Variants in SYTL2 observed in about 807,000 individuals in gnomAD.
The protein encoded by SYTL2 is synaptotagmin-like protein 2.
A neutral mutation model predicts 198.7 loss-of-function variants in SYTL2; 165 were observed. The observed-to-expected ratio is 0.83, with a 90% CI of 0.73 to 0.94. SYTL2 has a LOEUF of 0.94. SYTL2 is among the 40% of genes least tolerant of loss of function. The probability of loss-of-function intolerance (pLI) is 0.00; values close to 1 mark genes in which losing one functional copy is unlikely to be tolerated. For missense variants in SYTL2, 2,835 were observed against 2,582.8 expected, an observed-to-expected ratio of 1.10 and a Z score of -2.12; for synonymous variants, 966 against 917.7, an observed-to-expected ratio of 1.05 and a Z score of -0.95.
upstream of SYTL2, among the ~76,000 whole-genome samples, chr11:85,811,326 T>TCGCCCTC: frequency 6.6e-6 from 1 of 151,646 alleles, no homozygotes; most frequent in East Asian, 1.9e-4. Context: ...TTCCCTCCCT[T>TCGCCCTC]CGCCCTCCGC....
rs1227733734 is a variant in SYTL2 at position 85,717,506 on chromosome 11, A to ACTGGCTT, written c.5500_5506dup (p.Val1836GlufsTer6). The ACTGGCTT allele has an allele frequency of 1.2e-6, 2 of 1,613,142 alleles. No individual in the cohort carries two copies. Among genetic ancestry groups the ACTGGCTT allele is most frequent in the Admixed American group, 3.3e-5 (2 of 59,988 alleles). ...ACTTCTTGGTACGCATTCATTTGTA[A>ACTGGCTT]CTGGCTTCTGATCTGGTTTCTCATC... On this transcript the variant is annotated frameshift_variant, in exon 11 of 20. Transcript: ENST00000359152. LOFTEE classifies it high-confidence loss of function.
In SYTL2 at chr11:85,729,399, C is replaced by G. The variant is rs189443596; in HGVS notation, c.1391-1432G>C. 2.0e-4 allele frequency among the ~76,000 whole-genome samples: 30 copies of G among 152,266 alleles called. No homozygotes were observed. The East Asian group carries it at 5.6e-3, about 28-fold the overall frequency. ...AATAATAACAAACGGTCTCTCAGACCACAGTGCAATCAAATTAGAACTCAG... is the reference window on the plus strand; with the variant it reads ...AATAATAACAAACGGTCTCTCAGACGACAGTGCAATCAAATTAGAACTCAG... On this transcript the variant is annotated intron_variant, in intron 7 of 19. Transcript: ENST00000359152.
chr11:85,816,216 T>C, the SYTL2 span, among the ~76,000 whole-genome samples: 1 of 152,054 alleles, frequency 6.6e-6, no homozygotes, highest in Non-Finnish European at 1.5e-5. Context: ...ACAACTTTTG[T>C]AGTGATCACT....
At chr11:85,813,684 C>T (rs2093057901), upstream of SYTL2, among the ~76,000 whole-genome samples, 2 of 151,854 alleles carry the variant, frequency 1.3e-5, no homozygotes, top group African/African-American at 2.4e-5. Flanking sequence ...TGACTTTAGA[C>T]AAGTCTCCTC....
intron 1 of SYTL2, among the ~76,000 whole-genome samples, chr11:85,789,373 TA>T (rs2092694820): frequency 8.4e-5 from 5 of 59,548 alleles, no homozygotes; most frequent in Non-Finnish European, 1.2e-4. Flanking sequence ...TATATATATA[TA>T]TATGTATATA....
At position 85,727,205 on chromosome 11, in the gene SYTL2, G is replaced by T. The variant is rs1485768904; in HGVS notation, c.2153C>A (p.Thr718Lys). 1.3e-6 allele frequency: 2 copies of T among 1,536,304 alleles called. No homozygotes were observed. The highest frequency in any genetic ancestry group is 1.7e-6 in the Non-Finnish European group (2 of 1,146,986). The change falls in exon 8 of 20, where the codon ACA becomes AAA. Residue 718 changes from threonine to lysine, a missense_variant. By Grantham distance (78) the Thr-to-Lys change is moderately conservative. Around this residue, in one of 3 missense-constraint regions of SYTL2, gnomAD observed 2,645 missense variants for 2,381.7 expected, o/e 1.11. Transcript: ENST00000359152. ...TTTCAAACCTGGTTCTTTGACAACT[G>T]TTGAAGAGTCAAAATTCACTTCTGA... ...GHSEVNFDSS[T>K]VVKEPGLKDN...
At position 85,726,358 on chromosome 11, in the gene SYTL2, A is replaced by C. The variant is rs759624793; in HGVS notation, c.3000T>G (p.Asn1000Lys). 1.3e-5 allele frequency: 21 copies of C among 1,613,914 alleles called. No individual in the cohort carries two copies. The highest frequency in any genetic ancestry group is 1.4e-5 in the Non-Finnish European group (17 of 1,179,992). The part of the protein sequence containing the change: ...DLEANSNSKD[N>K]DKNITTTSQK... ...GGCTTGTGGTGGTAATATTCTTGTC[A>C]TTATCCTTACTGTTTGAATTAGCTT... Residue 1000 changes from asparagine to lysine, a missense_variant, in exon 8 of 20, where the codon AAT becomes AAG. Asn to Lys is a moderately conservative substitution (Grantham distance 94). This residue lies in a region of SYTL2 where 2,645 missense variants were observed against 2,381.7 expected (regional missense o/e 1.11). Coordinates refer to ENST00000359152, the MANE Select transcript of SYTL2 (RefSeq NM_206927.4).
At chr11:85,748,484 T>C (rs1414484597) in intron 2 of SYTL2, 61 bp from the exon 3 acceptor site, 3 of 1,549,128 alleles carry the variant, frequency 1.9e-6, no homozygotes, top group African/African-American at 1.4e-5. Context: ...GAGTTCATTA[T>C]GACACCGCAT....
chr11:85,801,555 C>T (rs897907813), intron 1 of SYTL2, among the ~76,000 whole-genome samples: 1 of 152,198 alleles, frequency 6.6e-6, no homozygotes, highest in African/African-American at 2.4e-5. Flanking sequence ...ATGTTATCTC[C>T]TCTGTACACA....
chr11:85,712,299 T>C (rs1191058404), intron 12 of SYTL2, among the ~76,000 whole-genome samples: 4 of 152,234 alleles, frequency 2.6e-5, no homozygotes, highest in Non-Finnish European at 5.9e-5. Flanking sequence ...TGTCACACTC[T>C]CTCCCCACAT....
Position 85,726,198 on chromosome 11 carries a change from AT to A in SYTL2, c.3159del (p.Lys1053AsnfsTer2), listed in dbSNP as rs2089150233. 1 of 1,613,322 alleles carries A rather than the reference AT, an allele frequency of 6.2e-7. No homozygotes were observed. Among genetic ancestry groups the A allele is most frequent in the African/African-American group, 1.3e-5 (1 of 74,844 alleles). ...ACCTGGAGTATGCCCTTTGAATTTA[AT>A]TTCTCCATTTCCTCTCTTGCCATAA... ...KKVMAREEME[K>X]LNSKGILQVL... is the part of the protein sequence containing the mutation. On this transcript the variant is annotated frameshift_variant, in exon 8 of 20. Transcript: ENST00000359152. LOFTEE classifies it high-confidence loss of function.
the SYTL2 span, among the ~76,000 whole-genome samples, chr11:85,828,800 A>G: frequency 6.6e-6 from 1 of 152,242 alleles, no homozygotes; most frequent in Admixed American, 6.5e-5. Flanking sequence ...TCCTGCTAGT[A>G]GGGGTACAGC....
chr11:85,769,063 TG>T (rs1460426774), intron 1 of SYTL2, among the ~76,000 whole-genome samples: 7 of 151,958 alleles, frequency 4.6e-5, no homozygotes, highest in Non-Finnish European at 8.8e-5. Flanking sequence ...AACAATTCAA[TG>T]GAATACAGAA....
chr11:85,742,030 GA>G (rs1255208617), intron 4 of SYTL2, among the ~76,000 whole-genome samples: 1 of 152,040 alleles, frequency 6.6e-6, no homozygotes, highest in African/African-American at 2.4e-5. Context: ...GCCATGGACT[GA>G]AATACAACAG....
upstream of SYTL2, among the ~76,000 whole-genome samples, chr11:85,812,109 A>G (rs373963977): frequency 2.0e-5 from 3 of 152,240 alleles, no homozygotes; most frequent in African/African-American, 7.2e-5. Context: ...TCTGTCTCAA[A>G]AAAATAAATA....
chr11:85,708,690 T>G (rs571083512), intron 14 of SYTL2, among the ~76,000 whole-genome samples: 3 of 152,248 alleles, frequency 2.0e-5, no homozygotes, highest in South Asian at 4.1e-4. Flanking sequence ...GTTCAGGTCC[T>G]CATTCCTCAT....
At chr11:85,736,786 T>C (rs903499356) in intron 5 of SYTL2, among the ~76,000 whole-genome samples, 171 bp from the exon 6 acceptor site, 5 of 152,240 alleles carry the variant, frequency 3.3e-5, no homozygotes, top group South Asian at 2.1e-4. Flanking sequence ...AGTTACCATA[T>C]ATGCCATTTA....
intron 1 of SYTL2, among the ~76,000 whole-genome samples, chr11:85,767,728 T>G (rs1365070895): frequency 6.6e-6 from 1 of 152,200 alleles, no homozygotes; most frequent in African/African-American, 2.4e-5. Flanking sequence ...AATGCCCAAG[T>G]CTCTTCATCC....
At chr11:85,705,226 A>G in intron 15 of SYTL2, 198 bp from the exon 16 acceptor site, 2 of 459,466 alleles carry the variant, frequency 4.4e-6, no homozygotes, top group Non-Finnish European at 3.9e-6. Flanking sequence ...ATAAAAGCTG[A>G]TTTGCTTCCC....
Sources: allele counts gnomAD v4.1 joint callset (sites outside exome capture counted in the v4.1 genomes callset), GRCh38; gene constraint gnomAD v4.1.1; regional missense constraint gnomAD v4.1.1; transcripts MANE v1.5; gene names NCBI Gene and HGNC (gene_info 2026-07-23, HGNC 2026-07-21).